The following COPA variants were observed in gnomAD, a reference collection of about 807,000 sequenced individuals.
COPA encodes the protein coatomer subunit alpha.
In COPA, 10 loss-of-function variants were observed where a neutral mutation model predicts 158.7. The observed-to-expected ratio is 0.06, with a 90% confidence interval of 0.04 to 0.11. The LOEUF is 0.11. COPA is among the 10% of genes least tolerant of loss of function. COPA has a pLI of 1.00. For synonymous variants in COPA, 462 were observed against 542.8 expected, an observed-to-expected ratio of 0.85 and a Z score of 2.07; for missense variants, 1,065 against 1,536.7, an observed-to-expected ratio of 0.69 and a Z score of 5.13.
At chr1:160,290,398 G>T in intron 32 of COPA, 94 bp downstream of exon 32, 2 of 1,464,328 alleles carry the variant, frequency 1.4e-6, no homozygotes, top group African/African-American at 1.4e-5. Flanking sequence ...AGGGAGCAGG[G>T]GACAAGCACA....
chr1:160,293,274 G>A, intron 26 of COPA, 40 bp from the exon 27 acceptor site: 2 of 1,613,250 alleles, frequency 1.2e-6, no homozygotes, highest in South Asian at 1.1e-5. Flanking sequence ...GTGAAACTTT[G>A]TCCCTTCTCT....
chr1:160,334,601 C>T (rs1205002973), intron 4 of COPA, among the ~76,000 whole-genome samples: 1 of 152,078 alleles, frequency 6.6e-6, no homozygotes, highest in African/African-American at 2.4e-5. Flanking sequence ...CATATTCTTT[C>T]TAACTTAATT....
intron 9 of COPA, 59 bp downstream of exon 9, chr1:160,313,931 A>C: frequency 2.0e-6 from 3 of 1,472,610 alleles, no homozygotes; most frequent in South Asian, 1.4e-5. Context: ...GAAGTATTCC[A>C]ATCTAATTTT....
Position 160,333,596 on chromosome 1 carries a change from G to T in COPA, c.386+7C>A. The T allele has an allele frequency of 6.2e-7, 1 of 1,608,394 alleles. No homozygotes were observed. The highest frequency in any genetic ancestry group is 8.5e-7 in the Non-Finnish European group (1 of 1,175,766). On this transcript the variant is annotated splice_region_variant and intron_variant, in intron 5 of 32. Transcript: ENST00000241704. ...ACTCTTTTCGAGCCCTCTGCCTCCTGCTTTACCAAACACAGGTTCTAGATT... is the reference window on the plus strand; with the variant it reads ...ACTCTTTTCGAGCCCTCTGCCTCCTTCTTTACCAAACACAGGTTCTAGATT...
chr1:160,313,445 C>G (rs998835658), intron 9 of COPA, among the ~76,000 whole-genome samples: 1 of 151,332 alleles, frequency 6.6e-6, no homozygotes, highest in Admixed American at 6.6e-5. Context: ...GACGGAGTCT[C>G]GCTCTGTTGC....
At chr1:160,296,774 G>A (rs1658433496) in intron 21 of COPA, among the ~76,000 whole-genome samples, 1 of 152,100 alleles carries the variant, frequency 6.6e-6, no homozygotes, top group African/African-American at 2.4e-5. Context: ...TGAGAACCTT[G>A]GATATCCCTG....
intron 9 of COPA, among the ~76,000 whole-genome samples, chr1:160,313,491 T>G (rs1334685531): frequency 2.0e-5 from 3 of 152,038 alleles, no homozygotes; most frequent in African/African-American, 7.2e-5. Context: ...CTCGGCTCAC[T>G]GCAAGCTCCA....
At chr1:160,316,842 T>G (rs1020291322) in intron 8 of COPA, among the ~76,000 whole-genome samples, 2 of 151,720 alleles carry the variant, frequency 1.3e-5, no homozygotes, top group African/African-American at 4.8e-5. Context: ...TACAGAAAAT[T>G]TTCCAAAACT....
At chr1:160,293,295 G>A (rs1571148767) in intron 26 of COPA, 61 bp from the exon 27 acceptor site, 1 of 1,610,688 alleles carries the variant, frequency 6.2e-7, no homozygotes, top group Admixed American at 1.7e-5. Flanking sequence ...ATTCTCCTCT[G>A]TAACTATAGT....
chr1:160,333,428 T>C (rs1179914541), intron 5 of COPA, 175 bp downstream of exon 5: 3 of 489,852 alleles, frequency 6.1e-6, no homozygotes, highest in African/African-American at 2.0e-5. Flanking sequence ...GATTCATATA[T>C]GGGATTGCCT....
In COPA at chr1:160,340,163, C is replaced by T; in HGVS notation, c.154+18G>A. 1 of 1,580,646 alleles carries T rather than the reference C, an allele frequency of 6.3e-7. No individual in the cohort carries two copies. The highest frequency in any genetic ancestry group is 1.7e-4 in the Middle Eastern group (1 of 6,002). On this transcript the variant is annotated intron_variant, in intron 2 of 32. Transcript: ENST00000241704. ...TAAATACTTATACTCCTTTAACTTC[C>T]TCCTAGAAATATCTCACCATCATGT...
Position 160,325,595 on chromosome 1 carries a change from G to C in COPA, c.554C>G (p.Thr185Ser). 1 of 1,614,168 alleles carries C rather than the reference G, an allele frequency of 6.2e-7. No individual in the cohort carries two copies. Among genetic ancestry groups the C allele is most frequent in the South Asian group, 1.1e-5 (1 of 91,084 alleles). The change falls in exon 7 of 33, where the codon ACT becomes AGT. Residue 185 changes from threonine to serine, a missense_variant. Physicochemically the swap from Thr to Ser is moderately conservative, Grantham distance 58. Transcript: ENST00000241704. ...GAVESDVRGI[T>S]GVDLFGTTDA... Reference sequence around the variant, plus strand: ...TGTAGTTCCAAATAGATCAACCCCAGTTATTCCTCTCACATCCGATTCCAC... The same window carrying C: ...TGTAGTTCCAAATAGATCAACCCCACTTATTCCTCTCACATCCGATTCCAC...
chr1:160,319,712 A>G (rs1659268803), intron 8 of COPA, among the ~76,000 whole-genome samples: 1 of 151,992 alleles, frequency 6.6e-6, no homozygotes, highest in Non-Finnish European at 1.5e-5. Context: ...CTAGAAATCA[A>G]TAACAAGAGG....
intron 25 of COPA, 34 bp from the exon 26 acceptor site, chr1:160,293,497 T>A (rs1658309049): frequency 2.6e-5 from 6 of 231,486 alleles, no homozygotes; most frequent in Non-Finnish European, 4.1e-5. Context: ...TATTGAGTAA[T>A]TTTTTTTTTT....
At position 160,294,749 on chromosome 1, in the gene COPA, C is replaced by G; in HGVS notation, c.2566+19G>C. 6.2e-7 allele frequency: 1 copy of G among 1,613,800 alleles called. No individual in the cohort carries two copies. Among genetic ancestry groups the G allele is most frequent in the Non-Finnish European group, 8.5e-7 (1 of 1,179,722 alleles). On this transcript the variant is annotated intron_variant, in intron 24 of 32. Transcript: ENST00000241704. Reference sequence around the variant, plus strand: ...AAGGTGTCCATCACCCCAGAACAGTCTTAAAACAGCACTTTTACCTTCATC... The same window carrying G: ...AAGGTGTCCATCACCCCAGAACAGTGTTAAAACAGCACTTTTACCTTCATC...
At chr1:160,302,630 C>G (rs1405515550) in intron 17 of COPA, among the ~76,000 whole-genome samples, 4 of 144,514 alleles carry the variant, frequency 2.8e-5, no homozygotes, top group Non-Finnish European at 6.0e-5. Context: ...TCTCAGCTCA[C>G]TGCAACCTCC....
chr1:160,314,205 T>C (rs1031135489), intron 8 of COPA, 80 bp from the exon 9 acceptor site: 3 of 1,464,400 alleles, frequency 2.0e-6, no homozygotes, highest in Admixed American at 4.2e-5. Flanking sequence ...ATCCTCTTCA[T>C]CAAGAACTAA....
intron 6 of COPA, among the ~76,000 whole-genome samples, chr1:160,327,902 C>A (rs1571178326): frequency 6.6e-6 from 1 of 152,146 alleles, no homozygotes; most frequent in Admixed American, 6.5e-5. Flanking sequence ...CTAAACTTTG[C>A]CATCTGTAGG....
intron 8 of COPA, among the ~76,000 whole-genome samples, chr1:160,322,738 G>A (rs566085455): frequency 6.6e-6 from 1 of 152,316 alleles, no homozygotes; most frequent in South Asian, 2.1e-4. Flanking sequence ...TGCACTGTTG[G>A]TGGGAATGTA....
Sources: allele counts gnomAD v4.1 joint callset (sites outside exome capture counted in the v4.1 genomes callset), GRCh38; gene constraint gnomAD v4.1.1; transcripts MANE v1.5; gene names NCBI Gene and HGNC (gene_info 2026-07-23, HGNC 2026-07-21).